Variants in PTPN14 observed in about 807,000 individuals in gnomAD.
PTPN14 encodes the protein tyrosine-protein phosphatase non-receptor type 14.
PTPN14 carries 53 observed loss-of-function variants against 126.8 expected under a neutral mutation model. That is an observed-to-expected ratio of 0.42 (90% CI 0.34 to 0.53). PTPN14 has a LOEUF of 0.53. PTPN14 is among the 20% of genes least tolerant of loss of function. The pLI is 0.08. For synonymous variants in PTPN14, 630 were observed against 599.3 expected, an observed-to-expected ratio of 1.05 and a Z score of -0.75; for missense variants, 1,257 against 1,552.9, an observed-to-expected ratio of 0.81 and a Z score of 3.20.
At chr1:214,414,869 G>C in intron 3 of PTPN14, 143 bp from the exon 4 acceptor site, 1 of 645,296 alleles carries the variant, frequency 1.5e-6, no homozygotes, top group South Asian at 1.8e-5. Flanking sequence ...TTCTATAAAA[G>C]ATGGAAAGTG....
intron 18 of PTPN14, among the ~76,000 whole-genome samples, chr1:214,359,583 G>A (rs562416743): frequency 1.4e-4 from 21 of 151,202 alleles, no homozygotes; most frequent in Non-Finnish European, 1.3e-4. Context: ...GCAGTGGTGC[G>A]ATCATAACTC....
intron 1 of PTPN14, among the ~76,000 whole-genome samples, chr1:214,477,961 G>T (rs1195288944): frequency 6.6e-6 from 1 of 152,150 alleles, no homozygotes. Context: ...TACTAAAATT[G>T]TTGTACATAA....
intron 12 of PTPN14, among the ~76,000 whole-genome samples, chr1:214,385,855 G>A (rs545040272): frequency 6.6e-6 from 1 of 152,228 alleles, no homozygotes; most frequent in Admixed American, 6.5e-5. Flanking sequence ...ATGGGGTTTG[G>A]CGCCTTCCCA....
chr1:214,520,016 C>A (rs1345822656), intron 1 of PTPN14, among the ~76,000 whole-genome samples: 1 of 134,566 alleles, frequency 7.4e-6, no homozygotes, highest in Non-Finnish European at 1.5e-5. Context: ...CCACTGCACT[C>A]CAGCCTGAGT....
intron 1 of PTPN14, among the ~76,000 whole-genome samples, chr1:214,477,417 C>A (rs1660892137): frequency 6.6e-6 from 1 of 152,142 alleles, no homozygotes; most frequent in Non-Finnish European, 1.5e-5. Context: ...CTGTCCCCTG[C>A]CTTGTAAAGA....
In PTPN14 at chr1:214,402,917, T is replaced by C; in HGVS notation, c.547A>G (p.Thr183Ala). 6.2e-7 allele frequency: 1 copy of C among 1,613,992 alleles called. No homozygotes were observed. Among genetic ancestry groups the C allele is most frequent in the Non-Finnish European group, 8.5e-7 (1 of 1,179,974 alleles). ...ALEEAVLEEL[T>A]QKVAQEHKAH... ...TTGTGTTCTTGGGCTACCTTCTGGGTCAGCTCCTCCAGAACAGCCTCTTCC... is the reference window on the plus strand; with the variant it reads ...TTGTGTTCTTGGGCTACCTTCTGGGCCAGCTCCTCCAGAACAGCCTCTTCC... The change falls in exon 6 of 19, where the codon ACC becomes GCC. Residue 183 changes from threonine to alanine, a missense_variant. Thr to Ala is a moderately conservative substitution (Grantham distance 58, BLOSUM62 0). This residue lies in a region of PTPN14 where 1,021 missense variants were observed against 1,183.3 expected (regional missense o/e 0.86). Transcript: ENST00000366956.
At chr1:214,422,033 G>A (rs1334314706) in intron 3 of PTPN14, among the ~76,000 whole-genome samples, 1 of 152,146 alleles carries the variant, frequency 6.6e-6, no homozygotes. Flanking sequence ...AAACATTTCT[G>A]AGTAGATGAA....
Position 214,386,765 on chromosome 1 carries a change from T to C in PTPN14, c.1066+79A>G, listed in dbSNP as rs567616511. On this transcript the variant is annotated intron_variant, in intron 12 of 18. Coordinates refer to ENST00000366956, the MANE Select transcript of PTPN14 (RefSeq NM_005401.5). The stretch of plus-strand genomic sequence containing the variant: ...TTGAAAAGAAAGCATCCCTGTCATC[T>C]TTTTTTTAAAGCCTTCTTTACTGCT... 2.3e-6 allele frequency: 3 copies of C among 1,329,938 alleles called. No homozygotes were observed. The East Asian group carries it at 7.6e-5, about 34-fold the overall frequency. The allele number at this position is 1,329,938 out of a possible 1,614,324, so 82.4% of individuals were successfully genotyped here. A position where few individuals can be genotyped will look rare whatever the true frequency, so the allele number is the denominator to read the frequency against.
At chr1:214,549,203 A>C (rs1295668940) in intron 1 of PTPN14, among the ~76,000 whole-genome samples, 1 of 152,166 alleles carries the variant, frequency 6.6e-6, no homozygotes, top group East Asian at 1.9e-4. Context: ...ACTATGAACA[A>C]TACTACAACA....
chr1:214,465,951 C>CTTGTTTTTTTTTTTTTTTTTTTTTTTTTT (rs1660625007), intron 1 of PTPN14, among the ~76,000 whole-genome samples: 1 of 59,024 alleles, frequency 1.7e-5, no homozygotes, highest in Non-Finnish European at 2.9e-5. Flanking sequence ...CAGTTACTTC[C>CTTGTTTTTTTTTTTTTTTTTTTTTTTTTT]TTTTTTTTTT....
intron 1 of PTPN14, among the ~76,000 whole-genome samples, chr1:214,520,065 A>AAAAAATAT: frequency 3.0e-4 from 21 of 71,110 alleles, no homozygotes; most frequent in African/African-American, 1.2e-3. Context: ...AAAAAAAAAA[A>AAAAAATAT]ATATATATAT....
intron 3 of PTPN14, among the ~76,000 whole-genome samples, chr1:214,422,727 A>C (rs192207847): frequency 1.2e-4 from 18 of 152,302 alleles, no homozygotes; most frequent in African/African-American, 3.9e-4. Flanking sequence ...GCCTGGTCTG[A>C]AGGATAAAAT....
intron 5 of PTPN14, among the ~76,000 whole-genome samples, chr1:214,406,826 C>A (rs1354844726): frequency 6.6e-6 from 1 of 152,194 alleles, no homozygotes; most frequent in East Asian, 1.9e-4. Context: ...AAATATCATG[C>A]TGGTAATCAC....
chr1:214,485,962 G>A (rs12735790), intron 1 of PTPN14, among the ~76,000 whole-genome samples: 36,290 of 152,018 alleles, frequency 0.24, 4,450 homozygotes, highest in Middle Eastern at 0.36. Flanking sequence ...TCCTGACCTC[G>A]TGATCCGCCC....
intron 1 of PTPN14, chr1:214,532,982 A>G (rs1655592909): frequency 2.6e-6 from 2 of 766,180 alleles, no homozygotes; most frequent in South Asian, 2.7e-5. Flanking sequence ...GAGCTGGACA[A>G]GTGCTGGTCT....
intron 1 of PTPN14, 112 bp from the exon 2 acceptor site, chr1:214,465,069 A>C: frequency 2.6e-6 from 1 of 385,488 alleles, no homozygotes; most frequent in Non-Finnish European, 4.8e-6. Context: ...AAACAGATCA[A>C]CACTCAGGTT....
intron 2 of PTPN14, among the ~76,000 whole-genome samples, chr1:214,461,333 TA>T (rs1311705663): frequency 6.6e-6 from 1 of 152,154 alleles, no homozygotes; most frequent in African/African-American, 2.4e-5. Flanking sequence ...CAAGACTTCA[TA>T]AAGGCTAAAC....
chr1:214,389,727 A>T (rs548882942), intron 11 of PTPN14, among the ~76,000 whole-genome samples: 1 of 152,340 alleles, frequency 6.6e-6, no homozygotes, highest in South Asian at 2.1e-4. Flanking sequence ...TTTGCCTCCC[A>T]TAGGGTTTCA....
In PTPN14 at chr1:214,364,598, T is replaced by C; in HGVS notation, c.3349A>G (p.Ile1117Val). The C allele has an allele frequency of 1.9e-6, 3 of 1,614,082 alleles. No individual in the cohort carries two copies. The highest frequency in any genetic ancestry group is 2.2e-5 in the South Asian group (2 of 91,078). The change falls in exon 18 of 19, where the codon ATC (isoleucine) becomes GTC (valine). Residue 1117 changes from isoleucine (I) to valine (V), a missense_variant. Transcript: ENST00000366956. This position sits in a 1 kb window ranked among gnomAD's most constrained non-coding sequence, Gnocchi z 4.1. The stretch of plus-strand genomic sequence containing the variant: ...ACCCCAGCACTACAGTGGACCACGA[T>C]GGGCGGGTGCCGGTTCTTGGTGCCT... ...LEGTKNRHPP[I>V]VVHCSAGVGR...
Sources: allele counts gnomAD v4.1 joint callset (sites outside exome capture counted in the v4.1 genomes callset), GRCh38; gene constraint gnomAD v4.1.1; regional missense constraint gnomAD v4.1.1; non-coding constraint Gnocchi (gnomAD v3.1); transcripts MANE v1.5; gene names NCBI Gene and HGNC (gene_info 2026-07-23, HGNC 2026-07-21).